SWT1: variants seen among roughly 807,000 people sequenced by gnomAD.
SWT1 encodes transcriptional protein SWT1.
SWT1 carries 33 observed loss-of-function variants against 107.3 expected under a neutral mutation model. That is an observed-to-expected ratio of 0.31 (90% CI 0.23 to 0.41). The LOEUF (loss-of-function observed/expected upper bound fraction) is 0.41, where lower values mean the gene tolerates loss of function less well. Ranked by LOEUF, SWT1 falls within the 10% of genes least tolerant of loss-of-function variation. SWT1 has a pLI of 1.00. For missense variants in SWT1, 898 were observed against 1,028.9 expected (o/e 0.87, Z 1.74); for synonymous variants, 345 against 348.3 (o/e 0.99, Z 0.11).
intron 6 of SWT1, among the ~76,000 whole-genome samples, chr1:185,181,171 G>A (rs962703381): frequency 2.0e-5 from 3 of 152,200 alleles, no homozygotes; most frequent in African/African-American, 7.2e-5. Context: ...AGGAGGCTGA[G>A]GCAGGAGACT....
chr1:185,268,458 G>C (rs990405558), intron 16 of SWT1, among the ~76,000 whole-genome samples: 1 of 152,134 alleles, frequency 6.6e-6, no homozygotes, highest in East Asian at 1.9e-4. Flanking sequence ...CCTGTGCCTG[G>C]TCAGGATTTG....
rs557712925 is a variant in SWT1 at position 185,218,352 on chromosome 1, C to G, written c.2122-3497C>G. ...ACAGGGTCTCGCTTTGTAGCCCAGA[C>G]CTGAGTGCAGAGTTGTGATCATAGC... On this transcript the variant is annotated intron_variant, in intron 14 of 18. Transcript: ENST00000367500. Among the ~76,000 whole-genome samples, 14 of 152,264 alleles carry G rather than the reference C, an allele frequency of 9.2e-5. 1 individual carries two copies. In the South Asian group the frequency reaches 2.9e-3, roughly 32 times the overall value.
chr1:185,197,348 T>G (rs978337733), intron 10 of SWT1, among the ~76,000 whole-genome samples: 9 of 152,246 alleles, frequency 5.9e-5, no homozygotes, highest in Non-Finnish European at 7.3e-5. Context: ...TTTGATGTGC[T>G]GCTGGATTCG....
chr1:185,176,983 TAAAAAAAA>T (rs71555459), intron 5 of SWT1: 1 of 768,784 alleles, frequency 1.3e-6, no homozygotes, highest in Non-Finnish European at 1.5e-6. Flanking sequence ...GACTCCGTCT[TAAAAAAAA>T]AAAAAAAAAA....
chr1:185,200,762 G>T (rs1239738967), intron 10 of SWT1, among the ~76,000 whole-genome samples: 1 of 152,218 alleles, frequency 6.6e-6, no homozygotes, highest in African/African-American at 2.4e-5. Flanking sequence ...CTGTCTCTTA[G>T]CAGAGCTCGA....
intron 13 of SWT1, among the ~76,000 whole-genome samples, chr1:185,212,045 A>G (rs1377474002): frequency 6.9e-6 from 1 of 145,128 alleles, no homozygotes; most frequent in African/African-American, 2.5e-5. Flanking sequence ...ATCACACTCC[A>G]GGGACTGTTG....
chr1:185,258,643 A>G (rs1234976325), intron 16 of SWT1, among the ~76,000 whole-genome samples: 2 of 152,110 alleles, frequency 1.3e-5, no homozygotes, highest in African/African-American at 4.8e-5. Context: ...TAATTTTATT[A>G]TCTTCTGTCC....
chr1:185,188,046 A>G (rs1444343806), intron 9 of SWT1, among the ~76,000 whole-genome samples: 2 of 152,210 alleles, frequency 1.3e-5, no homozygotes, highest in African/African-American at 4.8e-5. Context: ...CACTATTGCC[A>G]TACACTGGGC....
intron 5 of SWT1, among the ~76,000 whole-genome samples, chr1:185,175,692 T>C (rs923096620): frequency 1.2e-4 from 18 of 152,036 alleles, no homozygotes; most frequent in African/African-American, 3.4e-4. Flanking sequence ...TGTGTAAAAA[T>C]GTGGTGAGAA....
Position 185,181,895 on chromosome 1 carries a change from T to C in SWT1, c.1027-51T>C, listed in dbSNP as rs749051074. 7 of 1,600,920 alleles carry C rather than the reference T, an allele frequency of 4.4e-6. No individual in the cohort carries two copies. In the South Asian group the frequency reaches 7.8e-5, roughly 18 times the overall value. On this transcript the variant is annotated intron_variant, in intron 6 of 18. Transcript: ENST00000367500. ...AAGAATTAATTGCTTTCCTCTCTTG[T>C]CAGTCTGCAAAGTAACTCAAAATAT... is the stretch of plus-strand genomic sequence containing the variant.
intron 6 of SWT1, among the ~76,000 whole-genome samples, chr1:185,181,114 A>T (rs1655984660): frequency 6.6e-6 from 1 of 152,176 alleles, no homozygotes; most frequent in African/African-American, 2.4e-5. Flanking sequence ...CTAAAAATAC[A>T]GAAATTAGCT....
chr1:185,276,611 A>C lies in SWT1; in HGVS notation c.2516A>C (p.Lys839Thr). The change falls in exon 18 of 19, where the codon AAA becomes ACA. Residue 839 changes from lysine (K) to threonine (T), a missense_variant. Lys to Thr is a moderately conservative substitution (Grantham distance 78). Around this residue, in one of 6 missense-constraint regions of SWT1, gnomAD observed 382 missense variants for 460.0 expected, o/e 0.83. Coordinates refer to ENST00000367500, the MANE Select transcript of SWT1 (RefSeq NM_017673.7). ...YNFLIKYEVN[K>T]NVKFTAQEIY... ...TATCTTGGTTCCTTTCAGGTAAATA[A>C]AAATGTCAAATTTACTGCCCAGGAA... The C allele has an allele frequency of 6.3e-7, 1 of 1,579,262 alleles. No homozygotes were observed. The highest frequency in any genetic ancestry group is 8.7e-7 in the Non-Finnish European group (1 of 1,154,326).
chr1:185,231,489 CT>C, intron 15 of SWT1, 87 bp from the exon 16 acceptor site: 2 of 938,338 alleles, frequency 2.1e-6, no homozygotes, highest in Admixed American at 4.3e-5. Flanking sequence ...ATAAATACTA[CT>C]TTACTTTATA....
intron 15 of SWT1, among the ~76,000 whole-genome samples, chr1:185,228,193 A>G (rs1660235269): frequency 8.1e-6 from 1 of 123,930 alleles, no homozygotes; most frequent in African/African-American, 3.2e-5. Flanking sequence ...ATATATACAT[A>G]TATATATACT....
intron 15 of SWT1, among the ~76,000 whole-genome samples, chr1:185,226,258 A>G (rs1660045651): frequency 6.6e-6 from 1 of 152,194 alleles, no homozygotes; most frequent in Non-Finnish European, 1.5e-5. Flanking sequence ...TTTCAGCAAG[A>G]CAAAAATGCT....
chr1:185,219,447 C>T (rs1010362196), intron 14 of SWT1, among the ~76,000 whole-genome samples: 1 of 151,986 alleles, frequency 6.6e-6, no homozygotes, highest in African/African-American at 2.4e-5. Context: ...ACTGTTACTA[C>T]TGATAGTATT....
chr1:185,251,943 C>A (rs963090702), intron 16 of SWT1, among the ~76,000 whole-genome samples: 4 of 151,848 alleles, frequency 2.6e-5, no homozygotes, highest in East Asian at 1.9e-4. Context: ...ATCCCTCCCC[C>A]CTCCACCCAC....
chr1:185,272,256 C>T (rs1028007997), intron 17 of SWT1, among the ~76,000 whole-genome samples: 1 of 152,208 alleles, frequency 6.6e-6, no homozygotes, highest in African/African-American at 2.4e-5. Context: ...TGCATGCTCT[C>T]CTCATCATTA....
intron 9 of SWT1, among the ~76,000 whole-genome samples, chr1:185,189,450 T>C (rs1656759035): frequency 1.3e-5 from 2 of 152,194 alleles, no homozygotes; most frequent in Admixed American, 1.3e-4. Context: ...TGCATTGCTT[T>C]AGAGATTAAG....
Sources: allele counts gnomAD v4.1 joint callset (sites outside exome capture counted in the v4.1 genomes callset), GRCh38; gene constraint gnomAD v4.1.1; regional missense constraint gnomAD v4.1.1; transcripts MANE v1.5; gene names NCBI Gene and HGNC (gene_info 2026-07-23, HGNC 2026-07-21).